CTNNA3: variants seen among roughly 807,000 people sequenced by gnomAD.
The protein encoded by CTNNA3 is catenin alpha 3.
Under a neutral mutation model 95.7 loss-of-function variants are expected in CTNNA3, and 76 were observed. The ratio of observed to expected loss-of-function variants is 0.79; its 90% confidence interval spans 0.66 to 0.96. The LOEUF is 0.96. Among genes scored for constraint, CTNNA3 ranks in the 40% least tolerant of loss-of-function variants. CTNNA3 has a pLI of 0.00. For synonymous variants in CTNNA3, 431 were observed against 374.4 expected (o/e 1.15, Z -1.74); for missense variants, 1,191 against 1,089.8 (o/e 1.09, Z -1.31).
At chr10:66,858,332 A>G (rs1477142181) in intron 7 of CTNNA3, among the ~76,000 whole-genome samples, 1 of 151,912 alleles carries the variant, frequency 6.6e-6, no homozygotes, top group Admixed American at 6.6e-5. Context: ...TTTTGCATCT[A>G]TGTTCATCAA....
At chr10:66,887,860 A>C (rs1441997017) in intron 7 of CTNNA3, among the ~76,000 whole-genome samples, 1 of 152,158 alleles carries the variant, frequency 6.6e-6, no homozygotes, top group Admixed American at 6.6e-5. Context: ...GAGGACAGGA[A>C]GGAGGTTACT....
intron 11 of CTNNA3, among the ~76,000 whole-genome samples, chr10:66,390,349 C>G (rs1352177660): frequency 6.6e-6 from 1 of 152,008 alleles, no homozygotes; most frequent in Non-Finnish European, 1.5e-5. Flanking sequence ...GATACACTAT[C>G]AACAGTTTCC....
At chr10:67,521,548 C>T (rs1184394781) in intron 5 of CTNNA3, among the ~76,000 whole-genome samples, 1 of 152,128 alleles carries the variant, frequency 6.6e-6, no homozygotes, top group South Asian at 2.1e-4. Flanking sequence ...CCCTTTATGC[C>T]TCTGAAGCGT....
chr10:66,329,376 T>A (rs2092297360), intron 12 of CTNNA3, among the ~76,000 whole-genome samples: 1 of 151,954 alleles, frequency 6.6e-6, no homozygotes, highest in Admixed American at 6.6e-5. Flanking sequence ...GAGTCACTGA[T>A]TCAAATGCAA....
intron 12 of CTNNA3, among the ~76,000 whole-genome samples, chr10:66,348,301 T>C (rs185028830): frequency 1.8e-3 from 275 of 152,286 alleles, no homozygotes; most frequent in Middle Eastern, 6.8e-3. Flanking sequence ...AACAGCAGAT[T>C]TGCATTTTGC....
At chr10:66,697,932 G>A (rs890903550) in intron 9 of CTNNA3, among the ~76,000 whole-genome samples, 3 of 152,040 alleles carry the variant, frequency 2.0e-5, no homozygotes, top group Admixed American at 6.6e-5. Context: ...TCATCTCCCT[G>A]AACCATTTAT....
At chr10:66,626,085 A>G (rs1358337791) in intron 9 of CTNNA3, among the ~76,000 whole-genome samples, 1 of 152,190 alleles carries the variant, frequency 6.6e-6, no homozygotes, top group Non-Finnish European at 1.5e-5. Context: ...TATTTTAAAT[A>G]AATTGAATAT....
chr10:67,192,032 C>A (rs75075049), intron 6 of CTNNA3, among the ~76,000 whole-genome samples: 11,340 of 150,508 alleles, frequency 0.075, 601 homozygotes, highest in African/African-American at 0.15. Context: ...TATTTACAGA[C>A]AAAAATAAAA....
chr10:66,294,773 T>C (rs897452087), intron 12 of CTNNA3, among the ~76,000 whole-genome samples: 1 of 152,090 alleles, frequency 6.6e-6, no homozygotes, highest in African/African-American at 2.4e-5. Context: ...GGGCAAACTA[T>C]TATCAGTAAT....
chr10:67,441,504 G>A (rs1846514668), intron 5 of CTNNA3, among the ~76,000 whole-genome samples: 1 of 151,956 alleles, frequency 6.6e-6, no homozygotes, highest in Non-Finnish European at 1.5e-5. Context: ...CTACCTTAAA[G>A]CATTTAATAA....
chr10:66,731,282 G>A (rs567091071), intron 9 of CTNNA3, among the ~76,000 whole-genome samples: 2 of 152,184 alleles, frequency 1.3e-5, no homozygotes, highest in Non-Finnish European at 2.9e-5. Context: ...AGAACTGGAG[G>A]TGCTCTTTTA....
chr10:66,207,930 A>G (rs1210443740), intron 13 of CTNNA3, among the ~76,000 whole-genome samples: 1 of 152,096 alleles, frequency 6.6e-6, no homozygotes, highest in Non-Finnish European at 1.5e-5. Flanking sequence ...AGAAGCTGAA[A>G]CAGCAAAATA....
intron 13 of CTNNA3, among the ~76,000 whole-genome samples, chr10:66,193,749 T>C (rs554110344): frequency 2.0e-5 from 3 of 152,276 alleles, no homozygotes; most frequent in South Asian, 4.1e-4. Flanking sequence ...GCACAACACA[T>C]AGCAGATTTC....
rs975099543 is a variant in CTNNA3, at chr10:66,772,864, T to C, written c.1128+2580A>G. 3.3e-5 allele frequency among the ~76,000 whole-genome samples: 5 copies of C among 152,314 alleles called. No individual in the cohort carries two copies. In the East Asian group the frequency reaches 7.7e-4, roughly 24 times the overall value. On this transcript the variant is annotated intron_variant, in intron 8 of 17. Coordinates refer to ENST00000433211, the MANE Select transcript of CTNNA3 (RefSeq NM_013266.4). ...GATGAATGGGCAGGAAGATGGGCTC[T>C]GCTTATTTTTTACTAAAAAAAGTTT...
At chr10:66,820,094 C>G (rs1224739101) in intron 7 of CTNNA3, among the ~76,000 whole-genome samples, 1 of 150,538 alleles carries the variant, frequency 6.6e-6, no homozygotes, top group African/African-American at 2.4e-5. Flanking sequence ...ACCCAAATGT[C>G]TTTAATTGAT....
chr10:66,439,264 G>T (rs945236951), intron 11 of CTNNA3, among the ~76,000 whole-genome samples: 1 of 152,018 alleles, frequency 6.6e-6, no homozygotes, highest in Admixed American at 6.5e-5. Flanking sequence ...AGTACTATTT[G>T]TATTTGTATA....
intron 12 of CTNNA3, among the ~76,000 whole-genome samples, chr10:66,301,916 G>A (rs958904310): frequency 6.6e-6 from 1 of 151,938 alleles, no homozygotes; most frequent in African/African-American, 2.4e-5. Context: ...TAGATGACAC[G>A]ATTGTCTATA....
At chr10:66,378,843 A>G (rs2092814059) in intron 12 of CTNNA3, among the ~76,000 whole-genome samples, 1 of 152,186 alleles carries the variant, frequency 6.6e-6, no homozygotes, top group South Asian at 2.1e-4. Context: ...CACATACTTG[A>G]TACCATATCA....
chr10:66,218,075 A>T (rs2088670252), intron 13 of CTNNA3, among the ~76,000 whole-genome samples: 1 of 152,232 alleles, frequency 6.6e-6, no homozygotes, highest in African/African-American at 2.4e-5. Context: ...GAGACCTGCC[A>T]ACAGGAGTCT....
Sources: gnomAD v4.1 joint callset for allele counts (sites outside exome capture counted in the v4.1 genomes callset) on GRCh38, gnomAD v4.1.1 for gene constraint, MANE v1.5 for transcripts, NCBI Gene and HGNC (gene_info 2026-07-23, HGNC 2026-07-21) for gene names.